The following SHC3 variants were observed in gnomAD, a reference collection of about 807,000 sequenced individuals.
SHC3 encodes the protein SHC-transforming protein 3.
In SHC3, 15 loss-of-function variants were observed where a neutral mutation model predicts 60.4. The ratio of observed to expected loss-of-function variants is 0.25; its 90% confidence interval spans 0.17 to 0.38. SHC3 has a LOEUF of 0.38. Ranked by LOEUF, SHC3 falls within the 10% of genes least tolerant of loss-of-function variation. The pLI is 1.00. For synonymous variants in SHC3, 294 were observed against 325.9 expected (o/e 0.90, Z 1.05); for missense variants, 677 against 786.1 (o/e 0.86, Z 1.66).
chr9:89,011,868 G>A lies in SHC3; in HGVS notation c.*1579C>T, dbSNP rs993124019. On this transcript the variant is annotated 3_prime_UTR_variant, in exon 12 of 12. Transcript: ENST00000375835. ...GGCCTGCCCTGACTCATCCTCACTG[G>A]TTAGCTCTAACCTGTCCTTCCATCT... 1 of 152,250 alleles carries A rather than the reference G, an allele frequency of 6.6e-6. No individual in the cohort carries two copies. Among genetic ancestry groups the A allele is most frequent in the African/African-American group, 2.4e-5 (1 of 41,444 alleles). The allele number at this position is 152,250 out of a possible 1,614,324, so 9.4% of individuals were successfully genotyped here. A position where few individuals can be genotyped will look rare whatever the true frequency, so the allele number is the denominator to read the frequency against.
At chr9:89,113,206 G>A (rs1825975031) in intron 1 of SHC3, among the ~76,000 whole-genome samples, 1 of 152,148 alleles carries the variant, frequency 6.6e-6, no homozygotes, top group Admixed American at 6.5e-5. Context: ...ATTTTTAGAA[G>A]CTCAGATTTA....
At chr9:89,156,377 CCTGAACTGAAA>C (rs1465505285) in intron 1 of SHC3, among the ~76,000 whole-genome samples, 2 of 152,154 alleles carry the variant, frequency 1.3e-5, no homozygotes, top group Admixed American at 1.3e-4. Flanking sequence ...CAGGGAAGAC[CCTGAACTGAAA>C]CTGAACTGAA....
intron 1 of SHC3, among the ~76,000 whole-genome samples, chr9:89,129,117 C>T (rs935524434): frequency 3.9e-5 from 6 of 152,096 alleles, no homozygotes; most frequent in Non-Finnish European, 7.4e-5. Context: ...CATGCACAAG[C>T]TTCAGTAACT....
chr9:89,110,267 A>T (rs1825927276), intron 2 of SHC3: 1 of 984,966 alleles, frequency 1.0e-6, no homozygotes, highest in Admixed American at 6.1e-5. Flanking sequence ...CAAAATTTTA[A>T]ATTAAACAGA....
chr9:89,129,013 AG>A (rs1826203991), intron 1 of SHC3, among the ~76,000 whole-genome samples: 1 of 152,228 alleles, frequency 6.6e-6, no homozygotes. Flanking sequence ...CCTTGAAAAA[AG>A]ATTGGATGAA....
intron 2 of SHC3, among the ~76,000 whole-genome samples, chr9:89,101,417 C>T (rs1162470105): frequency 6.6e-6 from 1 of 151,980 alleles, no homozygotes; most frequent in Non-Finnish European, 1.5e-5. Context: ...ATTGCATTGA[C>T]TTGCCTTGTT....
chr9:89,029,461 T>C (rs1043783084), intron 11 of SHC3, among the ~76,000 whole-genome samples: 3 of 152,162 alleles, frequency 2.0e-5, no homozygotes, highest in Non-Finnish European at 4.4e-5. Flanking sequence ...CAAAAGTGAC[T>C]GAAAAACATA....
At chr9:89,061,131 G>A (rs1825082853) in intron 6 of SHC3, among the ~76,000 whole-genome samples, 1 of 152,134 alleles carries the variant, frequency 6.6e-6, no homozygotes, top group East Asian at 1.9e-4. Context: ...GCTCATAATA[G>A]CCAAATGTGG....
chr9:89,037,920 G>C lies in SHC3; in HGVS notation c.1656+73C>G, dbSNP rs1587688058. On this transcript the variant is annotated intron_variant, in intron 11 of 11. Transcript: ENST00000375835. ...AGAGGTGGGAATGTGGAGGGCATTT[G>C]ACAAAGTGGAGACTGTTTAAGGCAG... The C allele has an allele frequency of 4.5e-6, 7 of 1,541,752 alleles. No individual in the cohort carries two copies. The East Asian group carries it at 1.6e-4, about 35-fold the overall frequency.
chr9:89,112,193 A>G (rs1303474220), intron 2 of SHC3, among the ~76,000 whole-genome samples: 1 of 152,170 alleles, frequency 6.6e-6, no homozygotes, highest in Admixed American at 6.5e-5. Flanking sequence ...CTCTCTTGAC[A>G]TCTTGATTTT....
intron 11 of SHC3, among the ~76,000 whole-genome samples, chr9:89,035,830 A>AAAATAT (rs1432811585): frequency 9.4e-6 from 1 of 106,440 alleles, no homozygotes; most frequent in African/African-American, 3.3e-5. Flanking sequence ...AAACAAACAA[A>AAAATAT]ATATATATAT....
intron 11 of SHC3, among the ~76,000 whole-genome samples, chr9:89,016,615 A>G (rs1276096909): frequency 6.6e-6 from 1 of 152,198 alleles, no homozygotes; most frequent in Non-Finnish European, 1.5e-5. Context: ...ATTTATTTCA[A>G]TTCCCTACAA....
chr9:89,071,854 A>C (rs1355085356), intron 4 of SHC3, among the ~76,000 whole-genome samples: 1 of 152,210 alleles, frequency 6.6e-6, no homozygotes, highest in Non-Finnish European at 1.5e-5. Flanking sequence ...ACTGGTGATA[A>C]GCAGCCAGCA....
intron 9 of SHC3, among the ~76,000 whole-genome samples, chr9:89,043,335 T>A (rs1280612143): frequency 6.6e-6 from 1 of 152,246 alleles, no homozygotes; most frequent in East Asian, 1.9e-4. Flanking sequence ...ACATGCTTTC[T>A]ACATTGAAGA....
At chr9:89,174,235 TG>T (rs1396901276) in intron 1 of SHC3, among the ~76,000 whole-genome samples, 1 of 152,130 alleles carries the variant, frequency 6.6e-6, no homozygotes, top group Non-Finnish European at 1.5e-5. Flanking sequence ...ATAAAGCAAA[TG>T]ATTTATACCA....
At chr9:89,078,965 C>A (rs994667787) in intron 2 of SHC3, among the ~76,000 whole-genome samples, 3 of 152,134 alleles carry the variant, frequency 2.0e-5, no homozygotes, top group African/African-American at 7.2e-5. Context: ...AAATAATCAC[C>A]ATAACAACAC....
intron 1 of SHC3, among the ~76,000 whole-genome samples, chr9:89,175,403 C>T (rs551444353): frequency 7.9e-5 from 12 of 152,180 alleles, no homozygotes; most frequent in Non-Finnish European, 1.6e-4. Context: ...AATTTTAAGT[C>T]CTTCATTAAT....
At chr9:89,061,806 G>A (rs991656896) in intron 6 of SHC3, among the ~76,000 whole-genome samples, 5 of 152,136 alleles carry the variant, frequency 3.3e-5, no homozygotes, top group East Asian at 3.8e-4. Flanking sequence ...GTGAATCCTC[G>A]CTCTGTCCCA....
At chr9:89,103,489 C>G (rs1825812545) in intron 2 of SHC3, among the ~76,000 whole-genome samples, 2 of 152,106 alleles carry the variant, frequency 1.3e-5, no homozygotes, top group African/African-American at 2.4e-5. Flanking sequence ...TTGGCTACCT[C>G]CAAAAAGACA....
Sources: gnomAD v4.1 joint callset for allele counts (sites outside exome capture counted in the v4.1 genomes callset) on GRCh38, gnomAD v4.1.1 for gene constraint, MANE v1.5 for transcripts, NCBI Gene and HGNC (gene_info 2026-07-23, HGNC 2026-07-21) for gene names.